Variants in PLXDC2 observed in about 807,000 individuals in gnomAD.
The protein encoded by PLXDC2 is plexin domain containing 2.
In PLXDC2, 40 loss-of-function variants were observed where a neutral mutation model predicts 68.9. The ratio of observed to expected loss-of-function variants is 0.58; its 90% CI spans 0.45 to 0.76. The LOEUF (loss-of-function observed/expected upper bound fraction) is 0.76, where lower values mean the gene tolerates loss of function less well. Ranked by LOEUF, PLXDC2 falls within the 30% of genes least tolerant of loss-of-function variation. PLXDC2 has a pLI of 0.00. For synonymous variants in PLXDC2, 243 were observed against 234.2 expected (o/e 1.04, Z -0.34); for missense variants, 644 against 661.9 (o/e 0.97, Z 0.30).
intron 3 of PLXDC2, among the ~76,000 whole-genome samples, chr10:20,054,908 C>G (rs975905173): frequency 6.6e-6 from 1 of 151,946 alleles, no homozygotes; most frequent in Non-Finnish European, 1.5e-5. Context: ...CCTGATAGGT[C>G]TATATATTTC....
At chr10:20,108,856 G>A (rs977541059) in intron 4 of PLXDC2, among the ~76,000 whole-genome samples, 2 of 152,168 alleles carry the variant, frequency 1.3e-5, no homozygotes, top group African/African-American at 4.8e-5. Flanking sequence ...AAGATTGTAG[G>A]TGAATAAGAA....
chr10:19,868,849 T>C (rs1837471325), intron 1 of PLXDC2, among the ~76,000 whole-genome samples: 1 of 152,212 alleles, frequency 6.6e-6, no homozygotes, highest in African/African-American at 2.4e-5. Context: ...TGAAGCATAT[T>C]TGTGGTTAAT....
chr10:19,847,739 A>G (rs1036496553), intron 1 of PLXDC2, among the ~76,000 whole-genome samples: 2 of 152,232 alleles, frequency 1.3e-5, no homozygotes, highest in African/African-American at 4.8e-5. Context: ...GTTGTGGACT[A>G]TTCTAGGCAA....
At chr10:20,173,124 A>G (rs188825592) in intron 7 of PLXDC2, among the ~76,000 whole-genome samples, 9 of 152,292 alleles carry the variant, frequency 5.9e-5, no homozygotes, top group Admixed American at 2.6e-4. Flanking sequence ...CATGCTGGAA[A>G]TGAATCTTGT....
intron 3 of PLXDC2, among the ~76,000 whole-genome samples, chr10:20,059,578 T>A (rs1836062780): frequency 6.6e-6 from 1 of 152,238 alleles, no homozygotes; most frequent in African/African-American, 2.4e-5. Context: ...AGGTTAGAAC[T>A]TCTAACTCAG....
At chr10:20,250,156 T>A (rs1835655783) in intron 13 of PLXDC2, among the ~76,000 whole-genome samples, 1 of 151,368 alleles carries the variant, frequency 6.6e-6, no homozygotes, top group South Asian at 2.1e-4. Flanking sequence ...TAATCCCAGG[T>A]ACTCGGGAGG....
chr10:19,910,494 A>G (rs922758450), intron 1 of PLXDC2, among the ~76,000 whole-genome samples: 1 of 151,900 alleles, frequency 6.6e-6, no homozygotes, highest in Non-Finnish European at 1.5e-5. Flanking sequence ...CTTCTGTGAA[A>G]TAATAAAGGA....
At chr10:20,187,786 C>T (rs889862242) in intron 9 of PLXDC2, among the ~76,000 whole-genome samples, 1 of 151,684 alleles carries the variant, frequency 6.6e-6, no homozygotes, top group Non-Finnish European at 1.5e-5. Flanking sequence ...GAATCGATCT[C>T]GATGACACTT....
chr10:19,849,265 A>G (rs1437419462), intron 1 of PLXDC2, among the ~76,000 whole-genome samples: 1 of 152,210 alleles, frequency 6.6e-6, no homozygotes. Flanking sequence ...TTATTGATGT[A>G]TATTATAAAC....
Position 20,285,596 on chromosome 10 carries a change from A to G in PLXDC2, c.*5777A>G, listed in dbSNP as rs1836143080. On this transcript the variant is annotated 3_prime_UTR_variant, in exon 14 of 14. Transcript: ENST00000377252. ...TGTTAATTTTATCTGTGAGAAAAAA[A>G]GTTACTCAAAATTCTCCCTGACCTA... 1 of 152,328 alleles carries G rather than the reference A, an allele frequency of 6.6e-6. No individual in the cohort carries two copies. The highest frequency in any genetic ancestry group is 1.9e-4 in the East Asian group (1 of 5,192). The allele number at this position is 152,328 out of a possible 1,614,324, so 9.4% of individuals were successfully genotyped here.
intron 7 of PLXDC2, 131 bp from the exon 8 acceptor site, chr10:20,176,868 C>G (rs1003013358): frequency 3.2e-6 from 2 of 623,922 alleles, no homozygotes; most frequent in African/African-American, 1.9e-5. Flanking sequence ...AATCAGTCTT[C>G]TCACAGGATG....
intron 9 of PLXDC2, among the ~76,000 whole-genome samples, chr10:20,199,871 G>C (rs1457836102): frequency 6.6e-6 from 1 of 151,894 alleles, no homozygotes; most frequent in East Asian, 1.9e-4. Flanking sequence ...AGAGGATTCT[G>C]AGAATGTTAG....
intron 9 of PLXDC2, among the ~76,000 whole-genome samples, chr10:20,203,765 T>C (rs1020611960): frequency 1.3e-5 from 2 of 152,212 alleles, no homozygotes; most frequent in Non-Finnish European, 2.9e-5. Flanking sequence ...AACCTGCACC[T>C]CTGCAAGATG....
chr10:19,818,746 T>C (rs563283978), intron 1 of PLXDC2, among the ~76,000 whole-genome samples: 1 of 152,162 alleles, frequency 6.6e-6, no homozygotes, highest in African/African-American at 2.4e-5. Flanking sequence ...AATAACACTT[T>C]TAGCCTTCCA....
intron 1 of PLXDC2, among the ~76,000 whole-genome samples, chr10:19,966,144 A>G (rs1437222722): frequency 6.7e-6 from 1 of 150,258 alleles, no homozygotes; most frequent in Non-Finnish European, 1.5e-5. Context: ...TATATATAGT[A>G]TATATATAAA....
chr10:20,265,963 C>T lies in PLXDC2; in HGVS notation c.1474-13740C>T, dbSNP rs569771119. On this transcript the variant is annotated intron_variant, in intron 13 of 13. Transcript: ENST00000377252. ...GAATGGAAAAGTCAAGATGGAAGAACTGGGATCCACACATGGAAAGAAGTT... is the reference window on the plus strand; with the variant it reads ...GAATGGAAAAGTCAAGATGGAAGAATTGGGATCCACACATGGAAAGAAGTT... 2.6e-5 allele frequency among the ~76,000 whole-genome samples: 4 copies of T among 152,236 alleles called. No homozygotes were observed. In the East Asian group the frequency reaches 7.7e-4, roughly 29 times the overall value.
intron 4 of PLXDC2, among the ~76,000 whole-genome samples, chr10:20,105,909 A>C (rs79692230): frequency 0.013 from 1,994 of 152,394 alleles, 45 homozygotes; most frequent in Admixed American, 0.043. Context: ...AGATTAAATT[A>C]GACCATCAAT....
chr10:20,044,858 G>A (rs1016611604), intron 2 of PLXDC2, among the ~76,000 whole-genome samples: 1 of 152,152 alleles, frequency 6.6e-6, no homozygotes, highest in African/African-American at 2.4e-5. Context: ...TGTGCCCAAT[G>A]TCAAGGAAGG....
At chr10:19,850,376 C>T (rs1433686743) in intron 1 of PLXDC2, among the ~76,000 whole-genome samples, 1 of 151,784 alleles carries the variant, frequency 6.6e-6, no homozygotes, top group East Asian at 1.9e-4. Flanking sequence ...AATAATACTT[C>T]CTTTAGTAAA....
Sources: gnomAD v4.1 joint callset for allele counts (sites outside exome capture counted in the v4.1 genomes callset) on GRCh38, gnomAD v4.1.1 for gene constraint, MANE v1.5 for transcripts, NCBI Gene and HGNC (gene_info 2026-07-23, HGNC 2026-07-21) for gene names.